CSGALNACT1: variants seen among roughly 807,000 people sequenced by gnomAD.
CSGALNACT1 encodes the protein chondroitin sulfate N-acetylgalactosaminyltransferase 1, also known as beta4GalNAcT-1.
A neutral mutation model predicts 51.0 loss-of-function variants in CSGALNACT1; 52 were observed. That is an observed-to-expected ratio of 1.02 (90% CI 0.82 to 1.29). The LOEUF (loss-of-function observed/expected upper bound fraction) is 1.29, where lower values mean the gene tolerates loss of function less well. CSGALNACT1 is among the 50% of genes most tolerant of loss of function. CSGALNACT1 has a pLI of 0.00. For synonymous variants in CSGALNACT1, 341 were observed against 254.4 expected, an observed-to-expected ratio of 1.34 and a Z score of -3.24; for missense variants, 935 against 679.2, an observed-to-expected ratio of 1.38 and a Z score of -4.19.
intron 4 of CSGALNACT1, among the ~76,000 whole-genome samples, chr8:19,466,138 A>G (rs984359293): frequency 8.5e-5 from 13 of 152,192 alleles, no homozygotes; most frequent in African/African-American, 3.1e-4. Context: ...GGGATTTTTA[A>G]TGGAAAAAAA....
At chr8:19,472,072 C>A (rs1211115456) in intron 4 of CSGALNACT1, among the ~76,000 whole-genome samples, 1 of 152,216 alleles carries the variant, frequency 6.6e-6, no homozygotes, top group East Asian at 1.9e-4. Context: ...AGAAATTACA[C>A]TTGCAGGATG....
At chr8:19,567,202 C>T (rs575804172) in intron 3 of CSGALNACT1, among the ~76,000 whole-genome samples, 1 of 152,288 alleles carries the variant, frequency 6.6e-6, no homozygotes, top group East Asian at 1.9e-4. Context: ...CCCAGATGTC[C>T]TGAGCTGATC....
intron 3 of CSGALNACT1, among the ~76,000 whole-genome samples, chr8:19,565,644 C>T (rs1157112600): frequency 6.6e-6 from 1 of 152,174 alleles, no homozygotes; most frequent in East Asian, 1.9e-4. Context: ...TCAGGCCGGG[C>T]ACAGTGGCTC....
intron 4 of CSGALNACT1, among the ~76,000 whole-genome samples, chr8:19,460,401 T>A (rs1255011358): frequency 6.6e-6 from 1 of 152,260 alleles, no homozygotes; most frequent in Non-Finnish European, 1.5e-5. Context: ...ATCCCAGGTA[T>A]GTATGTATGG....
At chr8:19,449,997 G>A (rs1264168339) in intron 5 of CSGALNACT1, among the ~76,000 whole-genome samples, 1 of 133,290 alleles carries the variant, frequency 7.5e-6, no homozygotes, top group African/African-American at 2.8e-5. Flanking sequence ...TGGAAGGTAA[G>A]AAACAAAGCA....
intron 8 of CSGALNACT1, among the ~76,000 whole-genome samples, chr8:19,410,784 A>T (rs1053029722): frequency 6.6e-6 from 1 of 152,226 alleles, no homozygotes; most frequent in African/African-American, 2.4e-5. Context: ...CCACTATCTG[A>T]AGAGCTTGTT....
At chr8:19,644,789 T>C (rs918913672) in intron 1 of CSGALNACT1, among the ~76,000 whole-genome samples, 1 of 148,594 alleles carries the variant, frequency 6.7e-6, no homozygotes, top group South Asian at 2.1e-4. Context: ...TAAACCAGAA[T>C]TACAGAACTA....
At chr8:19,472,401 A>C (rs1395119685) in intron 4 of CSGALNACT1, among the ~76,000 whole-genome samples, 1 of 152,242 alleles carries the variant, frequency 6.6e-6, no homozygotes, top group Non-Finnish European at 1.5e-5. Flanking sequence ...TATGCAACTT[A>C]CCACCAAAGT....
At chr8:19,622,801 G>C (rs2053985190) in intron 1 of CSGALNACT1, among the ~76,000 whole-genome samples, 1 of 151,866 alleles carries the variant, frequency 6.6e-6, no homozygotes, top group African/African-American at 2.4e-5. Flanking sequence ...AGGCAAGAAA[G>C]GAGAAAAAAA....
chr8:19,685,752 G>C (rs2060938200), upstream of CSGALNACT1, among the ~76,000 whole-genome samples: 1 of 152,162 alleles, frequency 6.6e-6, no homozygotes, highest in Non-Finnish European at 1.5e-5. Flanking sequence ...TTCTGAATCT[G>C]ACAGGCAGGT....
chr8:19,545,383 T>C (rs1026939481), intron 3 of CSGALNACT1, among the ~76,000 whole-genome samples: 1 of 152,162 alleles, frequency 6.6e-6, no homozygotes, highest in African/African-American at 2.4e-5. Context: ...AAAAATGAGA[T>C]GGGGAAAATT....
intron 3 of CSGALNACT1, among the ~76,000 whole-genome samples, chr8:19,507,457 C>T (rs1156466385): frequency 6.8e-6 from 1 of 147,906 alleles, no homozygotes; most frequent in African/African-American, 2.5e-5. Flanking sequence ...GACATTTCCA[C>T]AGCACACTCC....
intron 2 of CSGALNACT1, among the ~76,000 whole-genome samples, chr8:19,595,893 T>C (rs2154138084): frequency 7.0e-6 from 1 of 143,174 alleles, no homozygotes; most frequent in East Asian, 2.1e-4. Flanking sequence ...AGACAGGGTC[T>C]CACTCTGTCA....
intron 6 of CSGALNACT1, among the ~76,000 whole-genome samples, chr8:19,430,774 A>G (rs1246861384): frequency 6.6e-6 from 1 of 152,158 alleles, no homozygotes; most frequent in Non-Finnish European, 1.5e-5. Flanking sequence ...GAAACTATAG[A>G]TCGACTGACT....
chr8:19,445,581 T>C (rs1468460742), intron 5 of CSGALNACT1, among the ~76,000 whole-genome samples: 1 of 152,212 alleles, frequency 6.6e-6, no homozygotes, highest in Non-Finnish European at 1.5e-5. Flanking sequence ...AACAAACACT[T>C]GGTGACAACA....
At chr8:19,414,652 C>T (rs1297551130) in intron 8 of CSGALNACT1, among the ~76,000 whole-genome samples, 2 of 151,956 alleles carry the variant, frequency 1.3e-5, no homozygotes, top group African/African-American at 2.4e-5. Context: ...TGTCTGCAGG[C>T]AAAACACTAT....
At chr8:19,506,679 T>C (rs2077396125) in intron 3 of CSGALNACT1, among the ~76,000 whole-genome samples, 1 of 152,150 alleles carries the variant, frequency 6.6e-6, no homozygotes, top group South Asian at 2.1e-4. Context: ...GAGTTGGCAC[T>C]CTTAGCTCCC....
intron 3 of CSGALNACT1, among the ~76,000 whole-genome samples, chr8:19,586,459 G>C (rs1380435507): frequency 6.6e-6 from 1 of 151,316 alleles, no homozygotes; most frequent in Admixed American, 6.6e-5. Flanking sequence ...TCCTAATGTA[G>C]TGATTCTCAA....
intron 6 of CSGALNACT1, among the ~76,000 whole-genome samples, chr8:19,438,556 A>G (rs1471245260): frequency 6.6e-6 from 1 of 152,178 alleles, no homozygotes; most frequent in Admixed American, 6.5e-5. Flanking sequence ...AGCACTCATT[A>G]TTGCTTTAGA....
Sources: gnomAD v4.1 joint callset for allele counts (sites outside exome capture counted in the v4.1 genomes callset) on GRCh38, gnomAD v4.1.1 for gene constraint, MANE v1.5 for transcripts, NCBI Gene and HGNC (gene_info 2026-07-23, HGNC 2026-07-21) for gene names.